The following INPP5F variants were observed in gnomAD, a reference collection of about 807,000 sequenced individuals.
INPP5F encodes the protein phosphatidylinositide 4-phosphatase SAC2.
INPP5F carries 97 observed loss-of-function variants against 137.2 expected under a neutral mutation model. That is an observed-to-expected ratio of 0.71 (90% confidence interval 0.60 to 0.84). INPP5F has a LOEUF of 0.84. Among genes scored for constraint, INPP5F ranks in the 40% least tolerant of loss-of-function variants. The pLI, the probability that INPP5F is intolerant of heterozygous loss-of-function variation, is 0.00. For synonymous variants in INPP5F, 504 were observed against 476.9 expected (o/e 1.06, Z -0.74); for missense variants, 1,271 against 1,371.9 (o/e 0.93, Z 1.16).
At chr10:119,771,879 TATA>T (rs1190076796) in intron 2 of INPP5F, among the ~76,000 whole-genome samples, 25 of 20,012 alleles carry the variant, frequency 1.2e-3, no homozygotes, top group African/African-American at 2.7e-3. Context: ...TATATATATA[TATA>T]TTTTTTTTTT....
intron 14 of INPP5F, among the ~76,000 whole-genome samples, chr10:119,811,429 C>A (rs1219643990): frequency 1.3e-5 from 2 of 151,926 alleles, no homozygotes; most frequent in African/African-American, 4.8e-5. Flanking sequence ...TTTACAATTG[C>A]CTTATCTTTT....
intron 1 of INPP5F, among the ~76,000 whole-genome samples, chr10:119,733,263 C>G (rs986144336): frequency 6.6e-6 from 1 of 152,148 alleles, no homozygotes; most frequent in Non-Finnish European, 1.5e-5. Flanking sequence ...GATCCTGTGC[C>G]TGCATTGACT....
intron 6 of INPP5F, among the ~76,000 whole-genome samples, 186 bp from the exon 7 acceptor site, chr10:119,796,529 A>C (rs1311259534): frequency 6.6e-6 from 1 of 152,216 alleles, no homozygotes; most frequent in Non-Finnish European, 1.5e-5. Context: ...TTCACCATAA[A>C]GAAAAGGAAA....
At chr10:119,772,034 A>G (rs1305076385) in intron 2 of INPP5F, among the ~76,000 whole-genome samples, 1 of 149,968 alleles carries the variant, frequency 6.7e-6, no homozygotes, top group Non-Finnish European at 1.5e-5. Flanking sequence ...AGTAGCTGGG[A>G]CTACGGGTGC....
intron 3 of INPP5F, among the ~76,000 whole-genome samples, chr10:119,788,362 G>C (rs953636398): frequency 6.6e-6 from 1 of 152,144 alleles, no homozygotes; most frequent in Non-Finnish European, 1.5e-5. Context: ...ACGGAGAAGA[G>C]AGTTAAGGGT....
intron 19 of INPP5F, among the ~76,000 whole-genome samples, chr10:119,824,423 G>T (rs961180239): frequency 1.3e-5 from 2 of 152,162 alleles, no homozygotes; most frequent in Non-Finnish European, 1.5e-5. Context: ...CTCCATGTAG[G>T]TTTGTCCAGT....
chr10:119,772,738 A>G (rs1849404074), intron 2 of INPP5F, among the ~76,000 whole-genome samples: 1 of 151,948 alleles, frequency 6.6e-6, no homozygotes, highest in South Asian at 2.1e-4. Context: ...CAATTATTTC[A>G]ACATTGTTTT....
At position 119,791,526 on chromosome 10, in the gene INPP5F, A is replaced by T. The variant is rs1288112415; in HGVS notation, c.325A>T (p.Lys109Ter). ...PQDLELELCK[K>*]HHFGINKPEK... ...TTCTCTTCCTATTTAGCTCTGTAAG[A>T]AGCATCATTTTGGTATTAACAAACC... is the stretch of plus-strand genomic sequence containing the variant. The change falls in exon 4 of 20, where the codon AAG becomes TAG. Residue 109 changes from lysine (K) to a stop codon, truncating the protein, a stop_gained. Coordinates refer to ENST00000650623, the MANE Select transcript of INPP5F (RefSeq NM_014937.4). LOFTEE classifies it high-confidence loss of function. 6.2e-7 allele frequency: 1 copy of T among 1,600,122 alleles called. No individual in the cohort carries two copies.
chr10:119,805,340 T>G, intron 10 of INPP5F, 44 bp from the exon 11 acceptor site: 1 of 1,471,128 alleles, frequency 6.8e-7, no homozygotes, highest in Non-Finnish European at 9.4e-7. Flanking sequence ...AAAAAATCTA[T>G]GATTAAATTA....
intron 2 of INPP5F, among the ~76,000 whole-genome samples, chr10:119,753,958 C>T (rs1848763235): frequency 6.6e-6 from 1 of 152,182 alleles, no homozygotes; most frequent in Admixed American, 6.5e-5. Flanking sequence ...CTGCCTCTCC[C>T]TCTATGTCTC....
At chr10:119,745,860 A>G (rs942236065) in intron 1 of INPP5F, among the ~76,000 whole-genome samples, 4 of 151,788 alleles carry the variant, frequency 2.6e-5, no homozygotes, top group African/African-American at 9.7e-5. Context: ...ATGCGCTACC[A>G]TGCCCGGCTA....
At position 119,796,948 on chromosome 10, in the gene INPP5F, T is replaced by G. The variant is rs1014955838; in HGVS notation, c.868+35T>G. The G allele has an allele frequency of 1.9e-6, 3 of 1,560,222 alleles. No individual in the cohort carries two copies. The African/African-American group carries it at 4.1e-5, about 21-fold the overall frequency. On this transcript the variant is annotated intron_variant, in intron 7 of 19. Transcript: ENST00000650623. ...GGGCTGTAATAGCATTCAAATCAAA[T>G]CCAGGCGAGAATGGAAAAGCTGCAG...
intron 3 of INPP5F, among the ~76,000 whole-genome samples, chr10:119,786,253 ATCGC>A (rs1849911055): frequency 6.6e-6 from 1 of 152,182 alleles, no homozygotes. Context: ...TCTTTTTGAG[ATCGC>A]GTGTTTCAGA....
At chr10:119,800,175 G>C (rs112955535) in intron 9 of INPP5F, among the ~76,000 whole-genome samples, 108 of 151,488 alleles carry the variant, frequency 7.1e-4, no homozygotes, top group African/African-American at 2.4e-3. Flanking sequence ...TAAGACACAA[G>C]AGAATGGAAA....
At position 119,781,478 on chromosome 10, in the gene INPP5F, A is replaced by G. The variant is rs113126946; in HGVS notation, c.179-157A>G. On this transcript the variant is annotated intron_variant, in intron 2 of 19. Transcript: ENST00000650623. ...GATTGAACATCTTTTCACATGTTTAAGGGTCATTTTATGTCTTTGTGACAT... is the reference window on the plus strand; with the variant it reads ...GATTGAACATCTTTTCACATGTTTAGGGGTCATTTTATGTCTTTGTGACAT... Among the ~76,000 whole-genome samples the G allele has an allele frequency of 0.016, 2,403 of 152,324 alleles. 82 individuals are homozygous for G. The highest frequency in any genetic ancestry group is 0.055 in the African/African-American group (2,297 of 41,570).
chr10:119,807,100 CT>C (rs1441529711), intron 12 of INPP5F, among the ~76,000 whole-genome samples: 1 of 151,994 alleles, frequency 6.6e-6, no homozygotes, highest in Non-Finnish European at 1.5e-5. Context: ...GCGAGACCCC[CT>C]GTCTACTAAA....
At chr10:119,798,909 G>A (rs1248873342) in intron 9 of INPP5F, among the ~76,000 whole-genome samples, 1 of 151,568 alleles carries the variant, frequency 6.6e-6, no homozygotes, top group Non-Finnish European at 1.5e-5. Flanking sequence ...GGGACTGCAG[G>A]CATGTGCCAC....
intron 1 of INPP5F, among the ~76,000 whole-genome samples, chr10:119,733,612 A>G (rs1848146990): frequency 6.6e-6 from 1 of 151,676 alleles, no homozygotes; most frequent in Non-Finnish European, 1.5e-5. Flanking sequence ...TTCTTCAAAG[A>G]AGGGAGAAAC....
rs148162878 is a variant in INPP5F at position 119,827,553 on chromosome 10, T to C, written c.3172T>C (p.Ser1058Pro). ...ELETGLHVTP[S>P]PSESSSSRAV... ...TGAGACAGGGCTTCATGTAACTCCTTCTCCTTCAGAGAGCAGTAGCAGCAG... is the reference window on the plus strand; with the variant it reads ...TGAGACAGGGCTTCATGTAACTCCTCCTCCTTCAGAGAGCAGTAGCAGCAG... Residue 1058 changes from serine to proline, a missense_variant, in exon 20 of 20, where the codon TCT becomes CCT. By Grantham distance (74) the Ser-to-Pro change is moderately conservative (BLOSUM62 -1). This residue lies in a region of INPP5F where 490 missense variants were observed against 443.7 expected (regional missense o/e 1.10). Coordinates refer to ENST00000650623, the MANE Select transcript of INPP5F (RefSeq NM_014937.4). 7.7e-4 allele frequency: 1,225 copies of C among 1,591,770 alleles called. 2 individuals carry two copies. Among genetic ancestry groups the C allele is most frequent in the Non-Finnish European group, 9.8e-4 (1,140 of 1,161,418 alleles).
Sources: gnomAD v4.1 joint callset for allele counts (sites outside exome capture counted in the v4.1 genomes callset) on GRCh38, gnomAD v4.1.1 for gene constraint, gnomAD v4.1.1 regional missense constraint, MANE v1.5 for transcripts, NCBI Gene and HGNC (gene_info 2026-07-23, HGNC 2026-07-21) for gene names.